The following AKAP9 variants were observed in gnomAD, a reference collection of about 807,000 sequenced individuals.
AKAP9 encodes A-kinase anchoring protein 9.
In AKAP9, 311 loss-of-function variants were observed where a neutral mutation model predicts 488.5. The ratio of observed to expected loss-of-function variants is 0.64; its 90% confidence interval spans 0.58 to 0.70. The LOEUF is 0.70. AKAP9 is among the 30% of genes least tolerant of loss of function. The pLI is 0.00. For synonymous variants in AKAP9, 1,462 were observed against 1,483.5 expected, an observed-to-expected ratio of 0.99 and a Z score of 0.33; for missense variants, 4,215 against 4,374.5, an observed-to-expected ratio of 0.96 and a Z score of 1.03.
chr7:92,107,305 C>T lies in AKAP9; in HGVS notation c.11429C>T (p.Thr3810Ile), dbSNP rs569193713. 6 of 1,613,936 alleles carry T rather than the reference C, an allele frequency of 3.7e-6. No homozygotes were observed. The highest frequency in any genetic ancestry group is 2.2e-5 in the East Asian group (1 of 44,842). The change falls in exon 48 of 50, where the codon ACT (threonine) becomes ATT (isoleucine). Residue 3810 changes from threonine to isoleucine, a missense_variant. By Grantham distance (89) the Thr-to-Ile change is moderately conservative. Coordinates refer to ENST00000356239, the MANE Select transcript of AKAP9 (RefSeq NM_005751.5). ...TGGGTTACTTTAGGTGCAGAAAAGA[C>T]TGACTCATTTTATCATTCTTCTGGT... The part of the protein sequence containing the change: ...GFGLNQGAEK[T>I]DSFYHSSGGL...
chr7:91,996,963 G>A (rs1252489430), intron 7 of AKAP9, among the ~76,000 whole-genome samples: 1 of 152,110 alleles, frequency 6.6e-6, no homozygotes, highest in African/African-American at 2.4e-5. Flanking sequence ...TTTTCTAAGT[G>A]AGGACACCAA....
At chr7:92,033,534 C>T (rs1804658651) in intron 16 of AKAP9, among the ~76,000 whole-genome samples, 1 of 148,770 alleles carries the variant, frequency 6.7e-6, no homozygotes, top group South Asian at 2.1e-4. Context: ...CAACCTCCAA[C>T]TCCTGGGCTC....
At chr7:92,038,851 C>A in intron 17 of AKAP9, 79 bp downstream of exon 17, 1 of 953,830 alleles carries the variant, frequency 1.0e-6, no homozygotes, top group Non-Finnish European at 1.6e-6. Context: ...AGCAATAGTG[C>A]TGCTTAATGT....
chr7:92,087,553 A>G (rs758911200), intron 37 of AKAP9, among the ~76,000 whole-genome samples: 2 of 152,138 alleles, frequency 1.3e-5, no homozygotes, highest in Non-Finnish European at 2.9e-5. Context: ...AATCAAATCA[A>G]TAGTTAAAAA....
intron 21 of AKAP9, among the ~76,000 whole-genome samples, chr7:92,045,754 A>G (rs1262378755): frequency 4.6e-5 from 7 of 151,442 alleles, no homozygotes; most frequent in Admixed American, 2.0e-4. Context: ...TCCAGAGATT[A>G]GGTCCTGATA....
At chr7:92,044,618 G>A (rs992417287) in intron 20 of AKAP9, among the ~76,000 whole-genome samples, 13 of 151,930 alleles carry the variant, frequency 8.6e-5, no homozygotes, top group African/African-American at 3.1e-4. Context: ...TATAACCATG[G>A]GCAGCAAGCT....
At chr7:92,025,381 C>T (rs1000619921) in intron 14 of AKAP9, among the ~76,000 whole-genome samples, 2 of 152,256 alleles carry the variant, frequency 1.3e-5, no homozygotes, top group East Asian at 3.9e-4. Flanking sequence ...GAAAATCATT[C>T]GTTTGCTCCC....
chr7:91,976,300 C>T (rs1795677943), intron 2 of AKAP9, among the ~76,000 whole-genome samples: 1 of 152,126 alleles, frequency 6.6e-6, no homozygotes, highest in Non-Finnish European at 1.5e-5. Flanking sequence ...TGGCTCACTG[C>T]AGCCTCAACC....
At chr7:92,102,474 ACTACT>A (rs1817716907) in intron 45 of AKAP9, 115 bp from the exon 46 acceptor site, 1 of 710,560 alleles carries the variant, frequency 1.4e-6, no homozygotes, top group Non-Finnish European at 2.5e-6. Flanking sequence ...TACTACTACT[ACTACT>A]ACTACTACTA....
At chr7:92,095,881 A>T (rs1816484846) in intron 40 of AKAP9, among the ~76,000 whole-genome samples, 1 of 152,162 alleles carries the variant, frequency 6.6e-6, no homozygotes, top group Non-Finnish European at 1.5e-5. Context: ...GGTACCAATT[A>T]TAGTTTTTTA....
At chr7:92,066,832 T>C (rs1563079078) in intron 26 of AKAP9, among the ~76,000 whole-genome samples, 1 of 152,190 alleles carries the variant, frequency 6.6e-6, no homozygotes, top group Non-Finnish European at 1.5e-5. Context: ...AAGAGAGTTA[T>C]CTGTGTTCAC....
At chr7:91,976,549 G>A (rs775809004) in intron 2 of AKAP9, among the ~76,000 whole-genome samples, 12 of 152,154 alleles carry the variant, frequency 7.9e-5, no homozygotes, top group Non-Finnish European at 1.2e-4. Context: ...TTTGTTAAAT[G>A]CTTTTTTTGT....
At chr7:91,976,939 T>A (rs536155783) in intron 2 of AKAP9, among the ~76,000 whole-genome samples, 1 of 152,190 alleles carries the variant, frequency 6.6e-6, no homozygotes, top group African/African-American at 2.4e-5. Context: ...CTTTAGTTAT[T>A]TGACTGTATT....
At chr7:91,983,672 G>A (rs74476146) in intron 3 of AKAP9, among the ~76,000 whole-genome samples, 18,367 of 152,118 alleles carry the variant, frequency 0.12, 1,259 homozygotes, top group East Asian at 0.37. Flanking sequence ...ACATGGTGGC[G>A]CAAGTATTTT....
chr7:91,947,468 G>T (rs890590562), intron 1 of AKAP9, among the ~76,000 whole-genome samples: 44 of 151,350 alleles, frequency 2.9e-4, no homozygotes, highest in African/African-American at 1.0e-3. Flanking sequence ...TCAGCCTCCC[G>T]AGTAGCTGGG....
Position 92,042,185 on chromosome 7 carries a change from A to G in AKAP9, c.5057A>G (p.Gln1686Arg), listed in dbSNP as rs981043112. Reference sequence around the variant, plus strand: ...CTGCGCAACAGCAGTACGCAAACACAGGTAGTATGGACTTTGCCCCACCTA... The same window carrying G: ...CTGCGCAACAGCAGTACGCAAACACGGGTAGTATGGACTTTGCCCCACCTA... Reference protein sequence around the residue: ...CELRNSSTQTQNGNENQGEVE... With the variant: ...CELRNSSTQTRNGNENQGEVE... Residue 1686 changes from glutamine to arginine, a missense_variant and splice_region_variant, in exon 19 of 50, where the codon CAG (glutamine) becomes CGG (arginine). Gln to Arg is a conservative substitution (Grantham distance 43, BLOSUM62 1). Coordinates refer to ENST00000356239, the MANE Select transcript of AKAP9 (RefSeq NM_005751.5). The G allele has an allele frequency of 1.9e-6, 3 of 1,613,796 alleles. No individual in the cohort carries two copies. The highest frequency in any genetic ancestry group is 2.5e-6 in the Non-Finnish European group (3 of 1,179,770).
In AKAP9 at chr7:91,941,069, C is replaced by T; in HGVS notation, c.-31C>T. On this transcript the variant is annotated 5_prime_UTR_variant, in exon 1 of 50. Coordinates refer to ENST00000356239, the MANE Select transcript of AKAP9 (RefSeq NM_005751.5). ...TTCTATCCCCAACCACCCCTCAACC[C>T]CTGTTTTCCCCTGCCTTCCTTGCAG... is the stretch of plus-strand genomic sequence containing the variant. 6.2e-7 allele frequency: 1 copy of T among 1,607,980 alleles called. No individual in the cohort carries two copies. Among genetic ancestry groups the T allele is most frequent in the Non-Finnish European group, 8.5e-7 (1 of 1,174,354 alleles).
chr7:91,948,021 T>TA (rs1791682273), intron 1 of AKAP9, among the ~76,000 whole-genome samples: 1 of 152,350 alleles, frequency 6.6e-6, no homozygotes, highest in South Asian at 2.1e-4. Context: ...GTTGTAGATA[T>TA]TTAATATGAA....
chr7:91,966,133 C>A (rs569432694), intron 1 of AKAP9, among the ~76,000 whole-genome samples: 1 of 152,108 alleles, frequency 6.6e-6, no homozygotes, highest in Non-Finnish European at 1.5e-5. Context: ...CTCAAGTGAT[C>A]CTCCTGCCTC....
Sources: allele counts gnomAD v4.1 joint callset (sites outside exome capture counted in the v4.1 genomes callset), GRCh38; gene constraint gnomAD v4.1.1; transcripts MANE v1.5; gene names NCBI Gene and HGNC (gene_info 2026-07-23, HGNC 2026-07-21).